Variants in NEO1 observed in about 807,000 individuals in gnomAD.
NEO1 encodes neogenin.
In NEO1, 63 loss-of-function variants were observed where a neutral mutation model predicts 159.7. The ratio of observed to expected loss-of-function variants is 0.39; its 90% CI spans 0.32 to 0.49. The LOEUF (loss-of-function observed/expected upper bound fraction) is 0.49, where lower values mean the gene tolerates loss of function less well. Among genes scored for constraint, NEO1 ranks in the 20% least tolerant of loss-of-function variants. The probability of loss-of-function intolerance (pLI) is 0.85; values close to 1 mark genes in which losing one functional copy is unlikely to be tolerated. For synonymous variants in NEO1, 633 were observed against 662.0 expected (o/e 0.96, Z 0.67); for missense variants, 1,615 against 1,831.0 (o/e 0.88, Z 2.15).
chr15:73,236,267 C>T, intron 7 of NEO1, 80 bp from the exon 8 acceptor site: 2 of 1,602,436 alleles, frequency 1.2e-6, no homozygotes, highest in East Asian at 4.5e-5. Context: ...TCATATTCCC[C>T]AATGTTTGCA....
Position 73,288,468 on chromosome 15 carries a change from C to T in NEO1, c.3566C>T (p.Pro1189Leu), listed in dbSNP as rs2042032439. 2 of 1,614,170 alleles carry T rather than the reference C, an allele frequency of 1.2e-6. No homozygotes were observed. Among genetic ancestry groups the T allele is most frequent in the Non-Finnish European group, 8.5e-7 (1 of 1,180,016 alleles). Residue 1189 changes from proline to leucine, a missense_variant, in exon 24 of 29, where the codon CCA (proline) becomes CTA (leucine). Pro to Leu is a moderately conservative substitution (Grantham distance 98). Coordinates refer to ENST00000261908, the MANE Select transcript of NEO1 (RefSeq NM_002499.4). ...PDPNPIMTDTPIPRNSQDITP... is the reference protein window; with the variant it reads ...PDPNPIMTDTLIPRNSQDITP... ...CCAAACCCCATCATGACTGATACTC[C>T]AATTCCTCGCAACTCTCAAGATATC...
intron 1 of NEO1, among the ~76,000 whole-genome samples, chr15:73,103,535 C>T (rs2070516001): frequency 6.6e-6 from 1 of 152,150 alleles, no homozygotes; most frequent in Admixed American, 6.5e-5. Context: ...TCTTCATGTA[C>T]GTATGTACTT....
intron 7 of NEO1, among the ~76,000 whole-genome samples, chr15:73,230,360 T>A (rs2038838936): frequency 6.6e-6 from 1 of 152,210 alleles, no homozygotes; most frequent in South Asian, 2.1e-4. Flanking sequence ...TTAAAGCTTT[T>A]TTAGTTATCT....
At chr15:73,137,948 T>G (rs1251062326) in intron 5 of NEO1, among the ~76,000 whole-genome samples, 1 of 152,170 alleles carries the variant, frequency 6.6e-6, no homozygotes, top group Non-Finnish European at 1.5e-5. Flanking sequence ...ACTATCTAGA[T>G]AAATAGGTGT....
rs769818953 is a variant in NEO1 at position 73,087,446 on chromosome 15, A to G, written c.131-29094A>G. ...GATCATGCCATCTTTGTTCATGAGG[A>G]ATATTGGTTTGTAGTTTTCTTGTAC... On this transcript the variant is annotated intron_variant, in intron 1 of 28. Coordinates refer to ENST00000261908, the MANE Select transcript of NEO1 (RefSeq NM_002499.4). Among the ~76,000 whole-genome samples the G allele has an allele frequency of 7.2e-5, 11 of 152,088 alleles. No individual in the cohort carries two copies. In the East Asian group the frequency reaches 2.1e-3, roughly 29 times the overall value.
chr15:73,089,142 A>G (rs1246075266), intron 1 of NEO1, among the ~76,000 whole-genome samples: 2 of 152,186 alleles, frequency 1.3e-5, no homozygotes, highest in Non-Finnish European at 2.9e-5. Context: ...TCTCCTGATT[A>G]TAATGATGAG....
chr15:73,092,158 A>G (rs1233852625), intron 1 of NEO1, among the ~76,000 whole-genome samples: 1 of 152,180 alleles, frequency 6.6e-6, no homozygotes, highest in Non-Finnish European at 1.5e-5. Flanking sequence ...TCACATTTGT[A>G]ACTCAGGTGG....
chr15:73,140,358 C>T (rs1344246044), intron 5 of NEO1, among the ~76,000 whole-genome samples: 1 of 152,052 alleles, frequency 6.6e-6, no homozygotes, highest in African/African-American at 2.4e-5. Flanking sequence ...GATTTGAAGA[C>T]CAGCCTGGGC....
chr15:73,126,521 A>G lies in NEO1; in HGVS notation c.829A>G (p.Thr277Ala). ...GCCATGTGTTGCTTCAGGACTTCCT[A>G]CTCCAACCATTAAATGGATGAAAAA... ...VLPCVASGLP[T>A]PTIKWMKNEE... Residue 277 changes from threonine to alanine, a missense_variant, in exon 4 of 29, where the codon ACT (threonine) becomes GCT (alanine). Transcript: ENST00000261908. 1.2e-6 allele frequency: 2 copies of G among 1,613,658 alleles called. No individual in the cohort carries two copies. The highest frequency in any genetic ancestry group is 2.2e-5 in the South Asian group (2 of 90,988).
At chr15:73,077,558 G>GT (rs2151359380) in intron 1 of NEO1, among the ~76,000 whole-genome samples, 1 of 152,282 alleles carries the variant, frequency 6.6e-6, no homozygotes, top group African/African-American at 2.4e-5. Context: ...ATTTCAAATA[G>GT]TTTGTGTTCT....
At chr15:73,057,465 C>G (rs931206271) in intron 1 of NEO1, among the ~76,000 whole-genome samples, 2 of 152,100 alleles carry the variant, frequency 1.3e-5, no homozygotes, top group Non-Finnish European at 2.9e-5. Context: ...GGTAAAATTG[C>G]ATCAATAATT....
At chr15:73,126,223 G>A (rs1477391659) in intron 3 of NEO1, among the ~76,000 whole-genome samples, 194 bp from the exon 4 acceptor site, 1 of 152,100 alleles carries the variant, frequency 6.6e-6, no homozygotes, top group African/African-American at 2.4e-5. Context: ...GATTAAAGCA[G>A]TAAAGTGCTT....
At chr15:73,231,940 AG>A (rs1283465876) in intron 7 of NEO1, among the ~76,000 whole-genome samples, 10 of 152,216 alleles carry the variant, frequency 6.6e-5, no homozygotes, top group Admixed American at 6.5e-4. Flanking sequence ...GATCCTGCTT[AG>A]TTCCTGACAG....
At chr15:73,058,798 C>T (rs1189731997) in intron 1 of NEO1, among the ~76,000 whole-genome samples, 1 of 152,126 alleles carries the variant, frequency 6.6e-6, no homozygotes, top group East Asian at 1.9e-4. Context: ...TCCCTTCTGC[C>T]TTCCAGGTTT....
At chr15:73,244,566 G>C (rs2039656622) in intron 9 of NEO1, 68 bp downstream of exon 9, 1 of 1,538,776 alleles carries the variant, frequency 6.5e-7, no homozygotes. Flanking sequence ...CCTTTGTTTA[G>C]CCTTGCACAC....
chr15:73,272,052 T>G (rs1217053830), intron 18 of NEO1, among the ~76,000 whole-genome samples: 1 of 152,190 alleles, frequency 6.6e-6, no homozygotes, highest in East Asian at 1.9e-4. Context: ...ACATAACTTC[T>G]CTAATTTTTT....
At chr15:73,209,934 C>T (rs894879647) in intron 7 of NEO1, among the ~76,000 whole-genome samples, 1 of 151,942 alleles carries the variant, frequency 6.6e-6, no homozygotes, top group Non-Finnish European at 1.5e-5. Flanking sequence ...ACCCAGGAGG[C>T]GGAGGTTGCA....
intron 1 of NEO1, among the ~76,000 whole-genome samples, chr15:73,084,780 T>TG (rs564118805): frequency 0.012 from 1,822 of 151,432 alleles, 29 homozygotes; most frequent in African/African-American, 0.038. Context: ...CCTTTTTCTT[T>TG]TTGTGTGTGT....
At chr15:73,244,788 T>A (rs961775613) in intron 9 of NEO1, among the ~76,000 whole-genome samples, 1 of 151,020 alleles carries the variant, frequency 6.6e-6, no homozygotes, top group African/African-American at 2.4e-5. Context: ...CCATCTCTAC[T>A]AAAAATACAA....
Sources: gnomAD v4.1 joint callset for allele counts (sites outside exome capture counted in the v4.1 genomes callset) on GRCh38, gnomAD v4.1.1 for gene constraint, MANE v1.5 for transcripts, NCBI Gene and HGNC (gene_info 2026-07-23, HGNC 2026-07-21) for gene names.